The following CCL26 variants were observed in gnomAD, a reference collection of about 807,000 sequenced individuals.
The protein encoded by CCL26 is C-C motif chemokine 26.
CCL26 carries 10 observed loss-of-function variants against 10.7 expected under a neutral mutation model. The observed-to-expected ratio is 0.93, with a 90% CI of 0.57 to 1.58. The LOEUF is 1.58. Ranked by LOEUF, CCL26 falls within the 40% of genes most tolerant of loss-of-function variation. CCL26 has a pLI of 0.00. For synonymous variants in CCL26, 43 were observed against 41.4 expected (o/e 1.04, Z -0.15); for missense variants, 116 against 111.0 (o/e 1.05, Z -0.20).
At chr7:75,777,757 A>G (rs1227392002) in intron 1 of CCL26, among the ~76,000 whole-genome samples, 2 of 141,526 alleles carry the variant, frequency 1.4e-5, no homozygotes, top group Non-Finnish European at 3.1e-5. Context: ...CAGCAGCTAG[A>G]TAAGAAAGAA....
At chr7:75,788,611 C>T (rs111656955) in intron 1 of CCL26, among the ~76,000 whole-genome samples, 23 of 151,804 alleles carry the variant, frequency 1.5e-4, no homozygotes, top group African/African-American at 4.3e-4. Flanking sequence ...TGGTGGTGTG[C>T]GTCTGTAATC....
chr7:75,772,379 G>A (rs1414590408), upstream of CCL26: 2 of 567,598 alleles, frequency 3.5e-6, no homozygotes, highest in African/African-American at 3.8e-5. Context: ...ATCTGGCACT[G>A]GGCGTGGTGG....
rs140351667 is a variant in CCL26 at position 75,769,655 on chromosome 7, G to A, written c.*38C>T. On this transcript the variant is annotated 3_prime_UTR_variant, in exon 3 of 3. Coordinates refer to ENST00000005180, the MANE Select transcript of CCL26 (RefSeq NM_001371938.1). ...TCCCCAGAGGGCTGCAGAGCCAAGA[G>A]CGGGGTCCAAGCGTCCTCGGATGAA... The A allele has an allele frequency of 4.2e-4, 577 of 1,362,674 alleles. 5 individuals carry two copies. The African/African-American group carries it at 7.3e-3, about 17-fold the overall frequency. 84.4% of individuals were successfully genotyped at this position (1,362,674 alleles called of 1,614,324 possible).
In CCL26 at chr7:75,772,128, T is replaced by G; in HGVS notation, c.49A>C (p.Ser17Arg). ...ASAVLLASLL[S>R]LHLGTATRGS... Reference sequence around the variant, plus strand: ...CGTGTGGCAGTTCCAAGGTGGAGACTCAGGAGGGAGGCCAGGAGCACAGCA... The same window carrying G: ...CGTGTGGCAGTTCCAAGGTGGAGACGCAGGAGGGAGGCCAGGAGCACAGCA... Residue 17 changes from serine (S) to arginine (R), a missense_variant, in exon 1 of 3, where the codon AGT becomes CGT. Ser to Arg is a moderately radical substitution (Grantham distance 110, BLOSUM62 -1). Transcript: ENST00000005180. The G allele has an allele frequency of 1.3e-6, 2 of 1,564,504 alleles. No homozygotes were observed. The highest frequency in any genetic ancestry group is 1.7e-6 in the Non-Finnish European group (2 of 1,154,196).
intron 1 of CCL26, among the ~76,000 whole-genome samples, chr7:75,779,037 A>G (rs1803004187): frequency 6.6e-6 from 1 of 152,136 alleles, no homozygotes; most frequent in African/African-American, 2.4e-5. Flanking sequence ...GCCTTAACTG[A>G]TGACATTACC....
intron 1 of CCL26, among the ~76,000 whole-genome samples, chr7:75,787,405 G>A (rs1333868254): frequency 8.5e-5 from 13 of 152,054 alleles, no homozygotes; most frequent in Admixed American, 7.9e-4. Context: ...AGAACTTTGG[G>A]AGGCTGAGGC....
At chr7:75,782,883 T>C (rs1458487502) in intron 1 of CCL26, among the ~76,000 whole-genome samples, 3 of 152,098 alleles carry the variant, frequency 2.0e-5, no homozygotes, top group Non-Finnish European at 4.4e-5. Flanking sequence ...CTGAGTCCTT[T>C]GAATCCTTCT....
At chr7:75,783,960 A>G (rs1238504876) in intron 1 of CCL26, among the ~76,000 whole-genome samples, 1 of 152,186 alleles carries the variant, frequency 6.6e-6, no homozygotes, top group African/African-American at 2.4e-5. Flanking sequence ...CTGACATTAA[A>G]TAAAGCTCCA....
chr7:75,776,510 CAAAAAG>C (rs1802942602), upstream of CCL26, among the ~76,000 whole-genome samples: 1 of 126,612 alleles, frequency 7.9e-6, no homozygotes, highest in Non-Finnish European at 1.6e-5. Context: ...CACTGCACTC[CAAAAAG>C]GAAGGAAGGA....
At chr7:75,790,109 C>G (rs1803292089), upstream of CCL26, among the ~76,000 whole-genome samples, 1 of 145,768 alleles carries the variant, frequency 6.9e-6, no homozygotes, top group Non-Finnish European at 1.5e-5. Flanking sequence ...CCCTCCTTTT[C>G]TCTTTCTTTT....
At chr7:75,784,730 G>A (rs1345670449) in intron 1 of CCL26, among the ~76,000 whole-genome samples, 3 of 151,716 alleles carry the variant, frequency 2.0e-5, no homozygotes, top group African/African-American at 7.3e-5. Flanking sequence ...ACTATTCCTG[G>A]GTTACAGCCA....
At chr7:75,788,128 C>T (rs560067084) in intron 1 of CCL26, among the ~76,000 whole-genome samples, 6 of 152,130 alleles carry the variant, frequency 3.9e-5, no homozygotes, top group South Asian at 2.1e-4. Flanking sequence ...ACCACTATTT[C>T]GTTTTATTTT....
chr7:75,780,821 C>T (rs1803044012), intron 1 of CCL26, among the ~76,000 whole-genome samples: 3 of 152,146 alleles, frequency 2.0e-5, no homozygotes, highest in Admixed American at 2.0e-4. Context: ...AGCCAGGTCC[C>T]AGTTTTTCCT....
chr7:75,771,927 A>T lies in CCL26; in HGVS notation c.150T>A (p.Tyr50Ter). Residue 50 changes from tyrosine to a stop codon, truncating the protein, a stop_gained, in exon 2 of 3, where the codon TAT becomes TAA. Coordinates refer to ENST00000005180, the MANE Select transcript of CCL26 (RefSeq NM_001371938.1). LOFTEE classifies it high-confidence loss of function. ...GGGAGCAGCTGTTACTGGTGAATTC[A>T]TAGCTTCGCACCCAGGTCCAGGGAA... ...KPLPWTWVRS[Y>*]EFTSNSCSQR... is the part of the protein sequence containing the mutation. The T allele has an allele frequency of 6.2e-7, 1 of 1,614,036 alleles. No homozygotes were observed.
intron 1 of CCL26, among the ~76,000 whole-genome samples, chr7:75,785,000 C>T (rs567453046): frequency 6.6e-6 from 1 of 152,292 alleles, no homozygotes; most frequent in African/African-American, 2.4e-5. Context: ...AAAAGCTCTC[C>T]TTACAATTTC....
chr7:75,782,842 C>G (rs1294663827), intron 1 of CCL26, among the ~76,000 whole-genome samples: 3 of 152,102 alleles, frequency 2.0e-5, no homozygotes, highest in African/African-American at 7.2e-5. Flanking sequence ...TCTTTCTCTC[C>G]TGTCTGTTCC....
chr7:75,772,664 A>C (rs1368268573), upstream of CCL26, among the ~76,000 whole-genome samples: 1 of 146,664 alleles, frequency 6.8e-6, no homozygotes, highest in African/African-American at 2.4e-5. Context: ...CAAAAAAAAA[A>C]AAAACAAACA....
chr7:75,790,782 A>G (rs62475543), upstream of CCL26, among the ~76,000 whole-genome samples: 30,311 of 151,736 alleles, frequency 0.2, 3,537 homozygotes, highest in Non-Finnish European at 0.26. Context: ...CGTCTCTATT[A>G]AAAATACAAA....
upstream of CCL26, among the ~76,000 whole-genome samples, chr7:75,790,178 C>CCTTTCCTTCTTTCTTT (rs1803297181): frequency 2.3e-5 from 1 of 44,304 alleles, no homozygotes; most frequent in Admixed American, 2.3e-4. Flanking sequence ...TTCCTTCCTT[C>CCTTTCCTTCTTTCTTT]CTTTCTTTCT....
Sources: gnomAD v4.1 joint callset for allele counts (sites outside exome capture counted in the v4.1 genomes callset) on GRCh38, gnomAD v4.1.1 for gene constraint, MANE v1.5 for transcripts, NCBI Gene and HGNC (gene_info 2026-07-23, HGNC 2026-07-21) for gene names.